Variants in COG5 observed in about 807,000 individuals in gnomAD.
The protein encoded by COG5 is conserved oligomeric Golgi complex subunit 5.
In COG5, 86 loss-of-function variants were observed where a neutral mutation model predicts 110.4. That is an observed-to-expected ratio of 0.78 (90% CI 0.65 to 0.93). COG5 has a LOEUF of 0.93. Among genes scored for constraint, COG5 ranks in the 40% least tolerant of loss-of-function variants. The pLI is 0.00. For missense variants in COG5, 1,077 were observed against 987.0 expected (o/e 1.09, Z -1.22); for synonymous variants, 360 against 334.6 (o/e 1.08, Z -0.83).
chr7:107,284,415 C>T (rs1805454981), intron 12 of COG5, among the ~76,000 whole-genome samples: 1 of 152,200 alleles, frequency 6.6e-6, no homozygotes, highest in Non-Finnish European at 1.5e-5. Context: ...GAAAGACCAG[C>T]CTGCAGAGAC....
Position 107,354,591 on chromosome 7 carries a change from G to A in COG5, c.1026+7442C>T, listed in dbSNP as rs553323087. 4.0e-4 allele frequency among the ~76,000 whole-genome samples: 61 copies of A among 152,240 alleles called. No homozygotes were observed. The South Asian group carries it at 0.012, about 29-fold the overall frequency. On this transcript the variant is annotated intron_variant, in intron 10 of 21. Coordinates refer to ENST00000297135, the MANE Select transcript of COG5 (RefSeq NM_006348.5). ...TTCAGGAAGCTGAGGCAGGAGAATC[G>A]CTTGAACCTAGGAGGCGGAGGTTGC...
rs149813704 is a variant in COG5 at position 107,546,120 on chromosome 7, G to A, written c.417+1991C>T. 1.7e-3 allele frequency among the ~76,000 whole-genome samples: 263 copies of A among 152,178 alleles called. 2 individuals carry two copies. The highest frequency in any genetic ancestry group is 6.2e-3 in the African/African-American group (256 of 41,534). On this transcript the variant is annotated intron_variant, in intron 5 of 21. Coordinates refer to ENST00000297135, the MANE Select transcript of COG5 (RefSeq NM_006348.5). ...CAAAAAAAATAAACAACATGCTTAT[G>A]AGCAACCAATGGATCAAAAAAGAAA...
At chr7:107,394,906 CTTTTT>C (rs1790878673) in intron 7 of COG5, among the ~76,000 whole-genome samples, 1 of 151,992 alleles carries the variant, frequency 6.6e-6, no homozygotes, top group African/African-American at 2.4e-5. Context: ...AAGTTAAATT[CTTTTT>C]TAAGTGTTTC....
chr7:107,278,921 G>A (rs1190986265), intron 14 of COG5, among the ~76,000 whole-genome samples: 1 of 152,126 alleles, frequency 6.6e-6, no homozygotes, highest in East Asian at 1.9e-4. Flanking sequence ...GGCAACAAAA[G>A]CCAAAATTGA....
chr7:107,465,482 A>G (rs1159904067), intron 6 of COG5, among the ~76,000 whole-genome samples: 1 of 152,212 alleles, frequency 6.6e-6, no homozygotes, highest in African/African-American at 2.4e-5. Flanking sequence ...TACTATGTTC[A>G]TAAGTTAGAA....
intron 17 of COG5, among the ~76,000 whole-genome samples, chr7:107,244,776 A>G (rs956039082): frequency 2.6e-5 from 4 of 152,212 alleles, no homozygotes; most frequent in Non-Finnish European, 5.9e-5. Context: ...GAACAGACTA[A>G]TAATGAGTTC....
intron 6 of COG5, among the ~76,000 whole-genome samples, chr7:107,443,325 GT>G (rs1156385397): frequency 1.1e-4 from 17 of 152,106 alleles, no homozygotes; most frequent in Non-Finnish European, 5.9e-5. Flanking sequence ...CAGAATATTT[GT>G]TCTAGAATAT....
At chr7:107,367,646 G>A (rs1813753087) in intron 8 of COG5, among the ~76,000 whole-genome samples, 1 of 152,142 alleles carries the variant, frequency 6.6e-6, no homozygotes, top group East Asian at 1.9e-4. Context: ...CAACTTGGAT[G>A]GAACAAGTGG....
intron 5 of COG5, among the ~76,000 whole-genome samples, chr7:107,545,219 T>C (rs1040845946): frequency 2.6e-5 from 4 of 152,032 alleles, no homozygotes; most frequent in African/African-American, 9.7e-5. Flanking sequence ...TTTTAAAAAA[T>C]AATAACAAAA....
intron 10 of COG5, among the ~76,000 whole-genome samples, chr7:107,358,389 T>C (rs1812812415): frequency 6.6e-6 from 1 of 152,174 alleles, no homozygotes; most frequent in Non-Finnish European, 1.5e-5. Context: ...TCCCATCTAG[T>C]AATAAATGCA....
chr7:107,218,517 G>A (rs1799678672), intron 19 of COG5, among the ~76,000 whole-genome samples: 1 of 152,000 alleles, frequency 6.6e-6, no homozygotes, highest in Admixed American at 6.6e-5. Context: ...CTAAGAAATA[G>A]AACAGAACAT....
intron 21 of COG5, chr7:107,209,700 G>A (rs1432040999): frequency 1.2e-5 from 6 of 496,678 alleles, no homozygotes; most frequent in African/African-American, 2.1e-5. Flanking sequence ...CAAGCTCTGA[G>A]AGGACAGGGC....
intron 6 of COG5, among the ~76,000 whole-genome samples, chr7:107,420,391 A>C (rs141343082): frequency 7.2e-5 from 11 of 152,364 alleles, no homozygotes; most frequent in African/African-American, 2.6e-4. Context: ...TAGGGAGAAG[A>C]AGCACCCGGA....
At chr7:107,303,371 T>G (rs1807446256) in intron 11 of COG5, among the ~76,000 whole-genome samples, 1 of 152,158 alleles carries the variant, frequency 6.6e-6, no homozygotes, top group Non-Finnish European at 1.5e-5. Flanking sequence ...TCAATTATAT[T>G]TAAAGCTTAC....
At chr7:107,404,318 C>T (rs1791652531) in intron 7 of COG5, among the ~76,000 whole-genome samples, 1 of 152,124 alleles carries the variant, frequency 6.6e-6, no homozygotes, top group South Asian at 2.1e-4. Context: ...TCCTTGTTTA[C>T]TGAACATCTA....
chr7:107,397,079 G>A (rs937657840), intron 7 of COG5, among the ~76,000 whole-genome samples: 5 of 152,148 alleles, frequency 3.3e-5, no homozygotes, highest in South Asian at 2.1e-4. Flanking sequence ...AGCCTGAGCC[G>A]ATGTTGACAA....
intron 11 of COG5, among the ~76,000 whole-genome samples, chr7:107,304,927 G>A (rs1807578528): frequency 6.6e-6 from 1 of 152,158 alleles, no homozygotes; most frequent in Admixed American, 6.5e-5. Context: ...ATATGCAAGG[G>A]TAAACAAAAT....
At chr7:107,349,156 A>AT (rs1239771808) in intron 10 of COG5, among the ~76,000 whole-genome samples, 5 of 152,222 alleles carry the variant, frequency 3.3e-5, no homozygotes, top group Non-Finnish European at 7.3e-5. Context: ...TACATTACCA[A>AT]TTTACAGAAG....
intron 6 of COG5, among the ~76,000 whole-genome samples, chr7:107,461,275 G>C (rs1795977153): frequency 1.3e-5 from 2 of 151,514 alleles, no homozygotes; most frequent in Non-Finnish European, 2.9e-5. Context: ...TGCAAGGTTG[G>C]CTTAACATTA....
Sources: allele counts gnomAD v4.1 joint callset (sites outside exome capture counted in the v4.1 genomes callset), GRCh38; gene constraint gnomAD v4.1.1; transcripts MANE v1.5; gene names NCBI Gene and HGNC (gene_info 2026-07-23, HGNC 2026-07-21).